PDE4B: variants seen among roughly 807,000 people sequenced by gnomAD.
PDE4B encodes the protein phosphodiesterase 4B.
A neutral mutation model predicts 82.2 loss-of-function variants in PDE4B; 20 were observed. The ratio of observed to expected loss-of-function variants is 0.24; its 90% CI spans 0.17 to 0.35. PDE4B has a LOEUF of 0.35. PDE4B is among the 10% of genes least tolerant of loss of function. PDE4B has a pLI of 1.00. For missense variants in PDE4B, 655 were observed against 907.2 expected (o/e 0.72, Z 3.57); for synonymous variants, 320 against 318.9 (o/e 1.00, Z -0.04).
chr1:66,076,896 T>A (rs908082997), intron 3 of PDE4B, among the ~76,000 whole-genome samples: 2 of 152,112 alleles, frequency 1.3e-5, no homozygotes, highest in African/African-American at 4.8e-5. Flanking sequence ...AAATTTTTTT[T>A]ATAGATTCTG....
intron 1 of PDE4B, among the ~76,000 whole-genome samples, chr1:65,844,474 C>G (rs1646246212): frequency 6.6e-6 from 1 of 152,146 alleles, no homozygotes; most frequent in Non-Finnish European, 1.5e-5. Flanking sequence ...CAAATGGAAG[C>G]TTTCCAGCTA....
chr1:66,136,603 G>C (rs1034938734), intron 3 of PDE4B, among the ~76,000 whole-genome samples: 1 of 150,300 alleles, frequency 6.7e-6, no homozygotes, highest in Non-Finnish European at 1.5e-5. Context: ...CCAGCTACTC[G>C]GTAGGCTGGG....
intron 3 of PDE4B, among the ~76,000 whole-genome samples, chr1:66,096,710 T>G (rs1645127960): frequency 6.6e-6 from 1 of 151,598 alleles, no homozygotes. Flanking sequence ...TGACTGGCAC[T>G]ATATTTCTAT....
At chr1:66,319,332 C>T (rs1659241720) in intron 7 of PDE4B, among the ~76,000 whole-genome samples, 1 of 152,182 alleles carries the variant, frequency 6.6e-6, no homozygotes, top group Non-Finnish European at 1.5e-5. Flanking sequence ...CTTGAAATTC[C>T]TTCGACCATT....
intron 1 of PDE4B, among the ~76,000 whole-genome samples, chr1:65,833,901 C>G (rs1646111084): frequency 6.6e-6 from 1 of 152,156 alleles, no homozygotes; most frequent in African/African-American, 2.4e-5. Flanking sequence ...GCATCACTTT[C>G]TAATTACTTG....
At chr1:65,911,077 A>G (rs1028022445) in intron 1 of PDE4B, among the ~76,000 whole-genome samples, 1 of 152,214 alleles carries the variant, frequency 6.6e-6, no homozygotes, top group African/African-American at 2.4e-5. Context: ...GATTGAAGGC[A>G]CATGAATTTA....
intron 3 of PDE4B, among the ~76,000 whole-genome samples, chr1:66,120,209 G>C (rs1337928086): frequency 2.6e-5 from 4 of 152,256 alleles, no homozygotes; most frequent in Non-Finnish European, 5.9e-5. Context: ...ATGATCTCCA[G>C]CTCTAAACTT....
chr1:65,799,652 G>A (rs1015002408), intron 1 of PDE4B, among the ~76,000 whole-genome samples: 35 of 152,134 alleles, frequency 2.3e-4, no homozygotes, highest in African/African-American at 8.0e-4. Flanking sequence ...TTATAGTCTG[G>A]GTCAGCCTTA....
At chr1:66,066,176 A>C (rs1029359394) in intron 3 of PDE4B, among the ~76,000 whole-genome samples, 1 of 151,732 alleles carries the variant, frequency 6.6e-6, no homozygotes, top group African/African-American at 2.4e-5. Flanking sequence ...TCAGTATTCA[A>C]TCCTTATCAA....
chr1:66,363,173 G>A lies in PDE4B; in HGVS notation c.1026G>A (p.Leu342=), dbSNP rs1209509335. 1 of 1,603,214 alleles carries A rather than the reference G, an allele frequency of 6.2e-7. No homozygotes were observed. Among genetic ancestry groups the A allele is most frequent in the African/African-American group, 1.3e-5 (1 of 74,702 alleles). The change falls in exon 11 of 17, where the codon CTG becomes CTA. Residue 342 remains leucine (L), a synonymous_variant. Coordinates refer to ENST00000341517, the MANE Select transcript of PDE4B (RefSeq NM_002600.4). ...CTTTAAATTTTTAATTATAGGAGCT[G>A]GAAGACCTGAACAAATGGGGTCTTA... ...TENEDHLAKE[L]EDLNKWGLNI...
intron 3 of PDE4B, among the ~76,000 whole-genome samples, chr1:66,012,716 C>A (rs1652555452): frequency 6.6e-6 from 1 of 152,016 alleles, no homozygotes; most frequent in Non-Finnish European, 1.5e-5. Flanking sequence ...CTTGAAATAG[C>A]CAAACAACTA....
intron 3 of PDE4B, among the ~76,000 whole-genome samples, chr1:65,996,304 T>G (rs1651538553): frequency 6.6e-6 from 1 of 151,666 alleles, no homozygotes; most frequent in Non-Finnish European, 1.5e-5. Flanking sequence ...TACTAGAAAA[T>G]TATTTGTTAT....
intron 3 of PDE4B, among the ~76,000 whole-genome samples, chr1:65,939,902 T>C (rs565372719): frequency 6.6e-6 from 1 of 152,152 alleles, no homozygotes; most frequent in Non-Finnish European, 1.5e-5. Context: ...TCTCATTATT[T>C]GAGGAACTTA....
At chr1:66,179,569 C>T (rs963473000) in intron 3 of PDE4B, among the ~76,000 whole-genome samples, 1 of 152,130 alleles carries the variant, frequency 6.6e-6, no homozygotes, top group Admixed American at 6.6e-5. Context: ...CCTATTTGTT[C>T]CTTACTGAAT....
chr1:65,835,257 CTCT>C (rs1646127532), intron 1 of PDE4B, among the ~76,000 whole-genome samples: 1 of 151,760 alleles, frequency 6.6e-6, no homozygotes, highest in African/African-American at 2.4e-5. Context: ...GCATCTAACA[CTCT>C]TCAGTTTGTG....
chr1:65,853,421 T>C (rs1646353711), intron 1 of PDE4B, among the ~76,000 whole-genome samples: 2 of 152,156 alleles, frequency 1.3e-5, no homozygotes, highest in Non-Finnish European at 2.9e-5. Context: ...TTTCTATTAA[T>C]TTTCTATTTG....
intron 1 of PDE4B, among the ~76,000 whole-genome samples, chr1:65,811,588 T>C (rs1570960866): frequency 6.6e-6 from 1 of 152,234 alleles, no homozygotes; most frequent in East Asian, 1.9e-4. Flanking sequence ...TATAGGATCA[T>C]GGAAAAATTT....
chr1:65,978,531 C>T (rs1463622313), intron 3 of PDE4B, among the ~76,000 whole-genome samples: 2 of 139,018 alleles, frequency 1.4e-5, no homozygotes, highest in Non-Finnish European at 3.2e-5. Context: ...TTAGGTCATT[C>T]TCCTCCATGA....
intron 3 of PDE4B, among the ~76,000 whole-genome samples, chr1:65,950,333 A>T (rs1648927429): frequency 6.6e-6 from 1 of 152,182 alleles, no homozygotes; most frequent in African/African-American, 2.4e-5. Flanking sequence ...CATTCCACCT[A>T]TCACCAGCAA....
Sources: allele counts gnomAD v4.1 joint callset (sites outside exome capture counted in the v4.1 genomes callset), GRCh38; gene constraint gnomAD v4.1.1; transcripts MANE v1.5; gene names NCBI Gene and HGNC (gene_info 2026-07-23, HGNC 2026-07-21).